The following ZFHX3 variants were observed in gnomAD, a reference collection of about 807,000 sequenced individuals.
ZFHX3 encodes the protein zinc finger homeobox 3.
In ZFHX3, 42 loss-of-function variants were observed where a neutral mutation model predicts 279.1. The observed-to-expected ratio is 0.15, with a 90% CI of 0.12 to 0.19. The LOEUF (loss-of-function observed/expected upper bound fraction) is 0.19, where lower values mean the gene tolerates loss of function less well. Among genes scored for constraint, ZFHX3 ranks in the 10% least tolerant of loss-of-function variants. ZFHX3 has a pLI of 1.00. For synonymous variants in ZFHX3, 2,293 were observed against 1,957.8 expected (o/e 1.17, Z -4.52); for missense variants, 4,981 against 4,754.0 (o/e 1.05, Z -1.40).
Position 73,379,878 on chromosome 16 carries a change from G to A in ZFHX3, c.-1290-61542C>T, listed in dbSNP as rs190816089. Reference sequence around the variant, plus strand: ...GTCTGTGCAATGCTTACTTCTGACCGAAGGCAGCATCCAGGCCTACTGAGA... The same window carrying A: ...GTCTGTGCAATGCTTACTTCTGACCAAAGGCAGCATCCAGGCCTACTGAGA... On this transcript the variant is annotated intron_variant, in intron 3 of 17. Coordinates refer to the ZFHX3 transcript ENST00000641206. 1.6e-4 allele frequency among the ~76,000 whole-genome samples: 24 copies of A among 152,302 alleles called. No homozygotes were observed. In the East Asian group the frequency reaches 4.1e-3, roughly 26 times the overall value.
chr16:73,153,000 G>A (rs911734505), intron 5 of ZFHX3, among the ~76,000 whole-genome samples: 1 of 152,090 alleles, frequency 6.6e-6, no homozygotes, highest in Non-Finnish European at 1.5e-5. Flanking sequence ...TGGAATTTTT[G>A]GATGGTTTTG....
chr16:73,666,660 G>T (rs2142180394), intron 2 of ZFHX3, among the ~76,000 whole-genome samples: 1 of 151,954 alleles, frequency 6.6e-6, no homozygotes, highest in Admixed American at 6.5e-5. Flanking sequence ...TCTTTTTAGT[G>T]TACGGGTGTA....
chr16:72,929,392 T>A (rs1203115265), intron 3 of ZFHX3, among the ~76,000 whole-genome samples: 2 of 152,214 alleles, frequency 1.3e-5, no homozygotes, highest in Non-Finnish European at 2.9e-5. Flanking sequence ...GTGAAAGGGA[T>A]GCAAAAGCTA....
chr16:73,517,730 A>G (rs958207303), intron 2 of ZFHX3, among the ~76,000 whole-genome samples: 2 of 152,190 alleles, frequency 1.3e-5, no homozygotes, highest in African/African-American at 4.8e-5. Flanking sequence ...AAAAGGAGAG[A>G]ATATAAATTC....
intron 1 of ZFHX3, among the ~76,000 whole-genome samples, chr16:73,701,960 G>C (rs1191296223): frequency 1.5e-4 from 23 of 152,058 alleles, no homozygotes. Flanking sequence ...AAGCAAAAGG[G>C]TTTTTAATGA....
chr16:73,818,237 G>A (rs1567420541), intron 1 of ZFHX3, among the ~76,000 whole-genome samples: 1 of 152,076 alleles, frequency 6.6e-6, no homozygotes, highest in Non-Finnish European at 1.5e-5. Context: ...TACTGCACAC[G>A]CAAAAGCAAA....
intron 1 of ZFHX3, among the ~76,000 whole-genome samples, chr16:73,856,318 C>A (rs921245403): frequency 1.3e-5 from 2 of 151,952 alleles, no homozygotes; most frequent in South Asian, 2.1e-4. Context: ...AAAAAAGAAA[C>A]AATAAAAATT....
intron 1 of ZFHX3, among the ~76,000 whole-genome samples, chr16:73,688,666 G>C (rs1169624201): frequency 6.6e-6 from 1 of 152,144 alleles, no homozygotes; most frequent in Admixed American, 6.5e-5. Flanking sequence ...CCCAGTGTAA[G>C]GTATTTTTTC....
At chr16:73,613,335 C>A (rs764433911) in intron 2 of ZFHX3, among the ~76,000 whole-genome samples, 1 of 151,746 alleles carries the variant, frequency 6.6e-6, no homozygotes, top group African/African-American at 2.4e-5. Flanking sequence ...CCTTAATGTT[C>A]GTAAAAGAAA....
chr16:73,648,202 C>T (rs1479334796), intron 2 of ZFHX3, among the ~76,000 whole-genome samples: 8 of 152,124 alleles, frequency 5.3e-5, no homozygotes, highest in Admixed American at 5.2e-4. Context: ...TGGATGCCGA[C>T]TGATGCATTA....
chr16:73,179,416 G>T (rs1169516605), intron 5 of ZFHX3, among the ~76,000 whole-genome samples: 1 of 152,126 alleles, frequency 6.6e-6, no homozygotes, highest in Non-Finnish European at 1.5e-5. Flanking sequence ...GACCATCAAG[G>T]AGCTCATGAA....
In ZFHX3 at chr16:72,788,430, C is replaced by T. The variant is rs143614104; in HGVS notation, c.9846G>A (p.Ala3282=). ...ISAPLPTMEY[A]VDPAQLQALQ... is the part of the protein sequence containing the mutation. ...GGGCCTGCAGCTGTGCAGGGTCTACCGCATACTCCATGGTGGGCAGCGGGG... is the reference window on the plus strand; with the variant it reads ...GGGCCTGCAGCTGTGCAGGGTCTACTGCATACTCCATGGTGGGCAGCGGGG... The change falls in exon 10 of 10, where the codon GCG becomes GCA. Residue 3282 remains alanine, a synonymous_variant. Transcript: ENST00000268489. 1.4e-5 allele frequency: 22 copies of T among 1,614,106 alleles called. No individual in the cohort carries two copies. The highest frequency in any genetic ancestry group is 4.5e-5 in the East Asian group (2 of 44,892).
chr16:73,164,174 C>G (rs1024454090), intron 5 of ZFHX3, among the ~76,000 whole-genome samples: 1 of 152,178 alleles, frequency 6.6e-6, no homozygotes, highest in Non-Finnish European at 1.5e-5. Flanking sequence ...AATTTTTATA[C>G]CAATTTTTCC....
At chr16:73,144,612 C>T (rs1159621042) in intron 5 of ZFHX3, among the ~76,000 whole-genome samples, 3 of 152,112 alleles carry the variant, frequency 2.0e-5, no homozygotes, top group Non-Finnish European at 2.9e-5. Context: ...CGGGAAGGAA[C>T]ATTATACACC....
intron 3 of ZFHX3, among the ~76,000 whole-genome samples, chr16:72,949,112 C>A (rs1960845738): frequency 2.0e-5 from 3 of 152,174 alleles, no homozygotes; most frequent in African/African-American, 7.2e-5. Flanking sequence ...TGCAGGCCTC[C>A]CCACATCCTG....
intron 2 of ZFHX3, among the ~76,000 whole-genome samples, chr16:73,640,521 G>A (rs549857053): frequency 4.7e-4 from 72 of 152,250 alleles, no homozygotes; most frequent in African/African-American, 1.6e-3. Flanking sequence ...AGAGGACATT[G>A]CCTCTAGAAA....
At chr16:73,593,198 G>A (rs927196416) in intron 2 of ZFHX3, among the ~76,000 whole-genome samples, 36 of 151,790 alleles carry the variant, frequency 2.4e-4, no homozygotes, top group Non-Finnish European at 7.4e-5. Flanking sequence ...AAATAACCAG[G>A]GAACAAACAC....
intron 4 of ZFHX3, among the ~76,000 whole-genome samples, chr16:73,302,071 C>T (rs1166284166): frequency 6.6e-6 from 1 of 152,116 alleles, no homozygotes; most frequent in Non-Finnish European, 1.5e-5. Context: ...AAAAAAATCC[C>T]CTTTTATTAA....
intron 3 of ZFHX3, among the ~76,000 whole-genome samples, chr16:73,423,872 A>G (rs1476816675): frequency 1.3e-5 from 2 of 152,072 alleles, no homozygotes; most frequent in Non-Finnish European, 1.5e-5. Context: ...AAAAAAAAAA[A>G]AAAAAAGTGA....
Sources: allele counts gnomAD v4.1 joint callset (sites outside exome capture counted in the v4.1 genomes callset), GRCh38; gene constraint gnomAD v4.1.1; transcripts MANE v1.5; gene names NCBI Gene and HGNC (gene_info 2026-07-23, HGNC 2026-07-21).